TMEM200A: variants seen among roughly 807,000 people sequenced by gnomAD.
The protein encoded by TMEM200A is transmembrane protein 200A, also known as two transmembrane C.
A neutral mutation model predicts 24.3 loss-of-function variants in TMEM200A; 12 were observed. That is an observed-to-expected ratio of 0.49 (90% CI 0.32 to 0.80). The LOEUF is 0.80. Ranked by LOEUF, TMEM200A falls within the 30% of genes least tolerant of loss-of-function variation. The pLI, the probability that TMEM200A is intolerant of heterozygous loss-of-function variation, is 0.04. For missense variants in TMEM200A, 545 were observed against 614.4 expected, an observed-to-expected ratio of 0.89 and a Z score of 1.19; for synonymous variants, 224 against 224.4, an observed-to-expected ratio of 1.00 and a Z score of 0.02.
Position 130,441,921 on chromosome 6 carries a change from A to G in TMEM200A, c.*23A>G. 1 of 1,564,554 alleles carries G rather than the reference A, an allele frequency of 6.4e-7. No individual in the cohort carries two copies. Among genetic ancestry groups the G allele is most frequent in the Non-Finnish European group, 8.6e-7 (1 of 1,158,958 alleles). ...TAATGTTAAAAGAATATATCATTTT[A>G]CAAGGGTATATATTTTAAAACGATT... On this transcript the variant is annotated 3_prime_UTR_variant, in exon 3 of 3. Coordinates refer to ENST00000296978, the MANE Select transcript of TMEM200A (RefSeq NM_001258277.2).
chr6:130,405,638 C>T (rs1484120744), intron 2 of TMEM200A, among the ~76,000 whole-genome samples: 1 of 152,184 alleles, frequency 6.6e-6, no homozygotes, highest in African/African-American at 2.4e-5. Context: ...TTGCTCAGTG[C>T]TCCTGGAGAA....
At chr6:130,390,149 T>C (rs552568043) in intron 2 of TMEM200A, among the ~76,000 whole-genome samples, 21 of 152,246 alleles carry the variant, frequency 1.4e-4, no homozygotes, top group South Asian at 1.2e-3. Flanking sequence ...TTGAATATAA[T>C]TTAACTGTTT....
intron 1 of TMEM200A, among the ~76,000 whole-genome samples, chr6:130,384,233 G>A (rs978570746): frequency 6.6e-6 from 1 of 152,168 alleles, no homozygotes; most frequent in African/African-American, 2.4e-5. Flanking sequence ...CTTTTTGGTA[G>A]TTTATTATAA....
chr6:130,405,834 C>G (rs1276916295), intron 2 of TMEM200A, among the ~76,000 whole-genome samples: 1 of 152,162 alleles, frequency 6.6e-6, no homozygotes, highest in Non-Finnish European at 1.5e-5. Flanking sequence ...GCTTCCTAAT[C>G]CAGATGATAG....
chr6:130,381,409 T>C (rs953131777), intron 1 of TMEM200A, among the ~76,000 whole-genome samples: 4 of 152,194 alleles, frequency 2.6e-5, no homozygotes, highest in African/African-American at 9.7e-5. Flanking sequence ...TGCCTTTGGG[T>C]GAACCATCTC....
At chr6:130,436,630 CCTTTTTTTTTTTTTTTTT>C (rs1174155612) in intron 2 of TMEM200A, among the ~76,000 whole-genome samples, 13 of 66,728 alleles carry the variant, frequency 1.9e-4, no homozygotes, top group Admixed American at 5.9e-4. Context: ...TTTTCTTTAT[CCTTTTTTTTTTTTTTTTT>C]TTTTTTTTTT....
intron 1 of TMEM200A, among the ~76,000 whole-genome samples, chr6:130,371,385 G>A (rs1448257404): frequency 6.6e-6 from 1 of 152,126 alleles, no homozygotes; most frequent in East Asian, 1.9e-4. Flanking sequence ...AAGGTTATGA[G>A]GCCATTAAGC....
Position 130,366,028 on chromosome 6 carries a change from A to G in TMEM200A, c.-577A>G. 1.0e-6 allele frequency: 1 copy of G among 985,386 alleles called. No homozygotes were observed. The highest frequency in any genetic ancestry group is 6.1e-5 in the Admixed American group (1 of 16,288). The allele number at this position is 985,386 out of a possible 1,614,324, so 61.0% of individuals were successfully genotyped here. ...TGGGGCTGGGATCCATCTGGAGCCG[A>G]GCAGAAAACTTTTCCCCTCCCGTTC... On this transcript the variant is annotated 5_prime_UTR_variant, in exon 1 of 3. Transcript: ENST00000296978. This position sits in a 1 kb window ranked among gnomAD's most constrained non-coding sequence, Gnocchi z 4.4.
At chr6:130,381,810 G>T (rs1223473008) in intron 1 of TMEM200A, 2 of 634,248 alleles carry the variant, frequency 3.2e-6, no homozygotes, top group Non-Finnish European at 3.9e-6. Context: ...GGTTTATTTG[G>T]TTTTTACCCT....
intron 2 of TMEM200A, among the ~76,000 whole-genome samples, chr6:130,404,744 C>T (rs1779167523): frequency 6.7e-6 from 1 of 149,522 alleles, no homozygotes; most frequent in Non-Finnish European, 1.5e-5. Flanking sequence ...GGAATCTTTG[C>T]CCTTACCTAT....
At chr6:130,368,219 T>C (rs1344649103) in intron 1 of TMEM200A, among the ~76,000 whole-genome samples, 1 of 152,218 alleles carries the variant, frequency 6.6e-6, no homozygotes, top group African/African-American at 2.4e-5. Flanking sequence ...CAGAAAAGGA[T>C]AACTACTGAC....
chr6:130,365,938 C>T (rs1410200360), upstream of TMEM200A: 19 of 984,276 alleles, frequency 1.9e-5, no homozygotes, highest in Non-Finnish European at 2.3e-5. Flanking sequence ...CGCAGCCACG[C>T]CCCTGGAAGT....
intron 1 of TMEM200A, among the ~76,000 whole-genome samples, chr6:130,371,548 G>A (rs925274908): frequency 6.6e-6 from 1 of 152,154 alleles, no homozygotes; most frequent in African/African-American, 2.4e-5. Flanking sequence ...GGAAATGAGA[G>A]TGCCAGAATT....
intron 2 of TMEM200A, among the ~76,000 whole-genome samples, chr6:130,398,739 T>A (rs902023612): frequency 6.6e-6 from 1 of 152,078 alleles, no homozygotes; most frequent in African/African-American, 2.4e-5. Context: ...TGATTAGTGA[T>A]GATGAGCATT....
At chr6:130,414,676 A>C (rs966602111) in intron 2 of TMEM200A, among the ~76,000 whole-genome samples, 2 of 152,194 alleles carry the variant, frequency 1.3e-5, no homozygotes, top group Non-Finnish European at 2.9e-5. Context: ...TGAAATTCAC[A>C]ACCTCGTGAG....
chr6:130,374,414 TTTTG>T lies in TMEM200A; in HGVS notation c.-81+7894_-81+7897del, dbSNP rs200008398. Among the ~76,000 whole-genome samples, 402 of 143,792 alleles carry T rather than the reference TTTTG, an allele frequency of 2.8e-3. 1 individual carries two copies. The highest frequency in any genetic ancestry group is 0.011 in the African/African-American group (390 of 35,532). 94.3% of individuals were successfully genotyped at this position (143,792 alleles called of 152,430 possible). The stretch of plus-strand genomic sequence containing the variant: ...CCTGAGTTTTTGTTTTTGTTTTTGT[TTTTG>T]TTTTTTTTTTTTCAGACGGAGTCTC... On this transcript the variant is annotated intron_variant, in intron 1 of 2. Transcript: ENST00000296978.
At position 130,385,220 on chromosome 6, in the gene TMEM200A, GA is replaced by G. The variant is rs1449610446; in HGVS notation, c.-32del. On this transcript the variant is annotated 5_prime_UTR_variant, in exon 2 of 3. Transcript: ENST00000296978. ...CTGAAGAGAGCAAGGGATTTCCTGGGACATCTGGCTCTGGAGGTGAGCGACA... is the reference window on the plus strand; with the variant it reads ...CTGAAGAGAGCAAGGGATTTCCTGGGCATCTGGCTCTGGAGGTGAGCGACA... 1.3e-5 allele frequency: 2 copies of G among 152,320 alleles called. No individual in the cohort carries two copies. The highest frequency in any genetic ancestry group is 3.9e-4 in the East Asian group (2 of 5,184). The allele number at this position is 152,320 out of a possible 1,614,324, so 9.4% of individuals were successfully genotyped here.
At chr6:130,389,040 AT>A (rs1329491048) in intron 2 of TMEM200A, among the ~76,000 whole-genome samples, 1 of 152,192 alleles carries the variant, frequency 6.6e-6, no homozygotes, top group Non-Finnish European at 1.5e-5. Flanking sequence ...GTCTAGCTCT[AT>A]TATCTTTAGA....
chr6:130,434,772 T>C (rs917789958), intron 2 of TMEM200A, among the ~76,000 whole-genome samples: 3 of 152,114 alleles, frequency 2.0e-5, no homozygotes, highest in African/African-American at 7.2e-5. Flanking sequence ...GGCAAATGGT[T>C]CAAAGGGAAG....
Sources: gnomAD v4.1 joint callset for allele counts (sites outside exome capture counted in the v4.1 genomes callset) on GRCh38, gnomAD v4.1.1 for gene constraint, Gnocchi (gnomAD v3.1) non-coding constraint, MANE v1.5 for transcripts, NCBI Gene and HGNC (gene_info 2026-07-23, HGNC 2026-07-21) for gene names.